Variants in GMDS observed in about 807,000 individuals in gnomAD.
The protein encoded by GMDS is GDP-mannose 4,6-dehydratase.
A neutral mutation model predicts 49.9 loss-of-function variants in GMDS; 20 were observed. The ratio of observed to expected loss-of-function variants is 0.40; its 90% CI spans 0.28 to 0.58. The LOEUF (loss-of-function observed/expected upper bound fraction) is 0.58. Ranked by LOEUF, GMDS falls within the 20% of genes least tolerant of loss-of-function variation. GMDS has a pLI of 0.42. For missense variants in GMDS, 362 were observed against 481.4 expected, an observed-to-expected ratio of 0.75 and a Z score of 2.32; for synonymous variants, 177 against 178.6, an observed-to-expected ratio of 0.99 and a Z score of 0.07.
chr6:2,059,945 T>C (rs1393568377), intron 4 of GMDS, among the ~76,000 whole-genome samples: 5 of 152,082 alleles, frequency 3.3e-5, no homozygotes, highest in African/African-American at 1.2e-4. Context: ...TTTGAATTTC[T>C]TTACATTTAT....
intron 4 of GMDS, among the ~76,000 whole-genome samples, chr6:2,034,690 T>C (rs1769183150): frequency 6.6e-6 from 1 of 152,208 alleles, no homozygotes. Context: ...CCAGAGAGTG[T>C]CCAAGACACT....
At chr6:2,159,745 G>T (rs1777297329) in intron 1 of GMDS, among the ~76,000 whole-genome samples, 1 of 151,820 alleles carries the variant, frequency 6.6e-6, no homozygotes, top group African/African-American at 2.4e-5. Context: ...TTTCGAACCT[G>T]ACCTCAGGTG....
At chr6:1,824,737 G>A (rs939873967) in intron 7 of GMDS, among the ~76,000 whole-genome samples, 6 of 152,200 alleles carry the variant, frequency 3.9e-5, no homozygotes, top group Non-Finnish European at 7.3e-5. Flanking sequence ...CAGTTAGGAT[G>A]TGAGGATTAA....
intron 9 of GMDS, among the ~76,000 whole-genome samples, chr6:1,666,932 CT>C (rs1764256462): frequency 6.6e-6 from 1 of 152,238 alleles, no homozygotes; most frequent in African/African-American, 2.4e-5. Context: ...GGAGCACCCT[CT>C]GGGGGAAGGG....
intron 4 of GMDS, among the ~76,000 whole-genome samples, chr6:2,056,972 T>C (rs1306001435): frequency 6.6e-6 from 1 of 152,236 alleles, no homozygotes; most frequent in African/African-American, 2.4e-5. Context: ...CATTTCTGTA[T>C]AAATACAGCA....
At chr6:1,765,490 A>T (rs1768315357) in intron 7 of GMDS, among the ~76,000 whole-genome samples, 1 of 152,184 alleles carries the variant, frequency 6.6e-6, no homozygotes, top group Non-Finnish European at 1.5e-5. Context: ...AGCCCCCACA[A>T]AAATATTCAT....
intron 7 of GMDS, among the ~76,000 whole-genome samples, chr6:1,749,413 C>A (rs1767636920): frequency 6.6e-6 from 1 of 151,830 alleles, no homozygotes; most frequent in Non-Finnish European, 1.5e-5. Context: ...CATGGCAAAA[C>A]CCCGTCTCTA....
chr6:2,118,256 G>T (rs948691084), intron 2 of GMDS, among the ~76,000 whole-genome samples: 1 of 152,156 alleles, frequency 6.6e-6, no homozygotes, highest in Non-Finnish European at 1.5e-5. Context: ...TTGAAGAAAA[G>T]ACTATTTGTG....
rs542500453 is a variant in GMDS, at chr6:1,805,962, T to C, written c.772-63376A>G. Among the ~76,000 whole-genome samples the C allele has an allele frequency of 1.6e-4, 25 of 152,286 alleles. No homozygotes were observed. In the East Asian group the frequency reaches 3.9e-3, roughly 23 times the overall value. On this transcript the variant is annotated intron_variant, in intron 7 of 10. Coordinates refer to ENST00000380815, the MANE Select transcript of GMDS (RefSeq NM_001500.4). ...CAATTTATATGAAAATGTAGATATA[T>C]GTAATTGTGGTAAGTATATAAAAAT...
intron 1 of GMDS, among the ~76,000 whole-genome samples, chr6:2,218,029 G>A (rs1036069693): frequency 6.6e-6 from 1 of 152,160 alleles, no homozygotes; most frequent in South Asian, 2.1e-4. Flanking sequence ...GCTGACAAGT[G>A]GTTTGTCAAG....
intron 1 of GMDS, among the ~76,000 whole-genome samples, chr6:2,209,225 C>G (rs1428049968): frequency 2.0e-5 from 3 of 152,172 alleles, no homozygotes; most frequent in Admixed American, 6.5e-5. Context: ...CCAAAATACA[C>G]TTGGTTGAAA....
chr6:1,913,205 C>A (rs1345540771), intron 7 of GMDS, among the ~76,000 whole-genome samples: 1 of 151,420 alleles, frequency 6.6e-6, no homozygotes, highest in South Asian at 2.1e-4. Context: ...AACGGTGAAA[C>A]CCCGTCTCTA....
chr6:1,991,798 C>A (rs532811672), intron 4 of GMDS, among the ~76,000 whole-genome samples: 1 of 152,114 alleles, frequency 6.6e-6, no homozygotes, highest in Non-Finnish European at 1.5e-5. Flanking sequence ...GAGTACCTGC[C>A]GATGTAATTT....
chr6:1,929,244 A>C (rs1358343384), intron 7 of GMDS, among the ~76,000 whole-genome samples: 1 of 152,206 alleles, frequency 6.6e-6, no homozygotes, highest in Non-Finnish European at 1.5e-5. Flanking sequence ...AGTTTCCTAG[A>C]GAGACATCAT....
intron 9 of GMDS, among the ~76,000 whole-genome samples, chr6:1,642,807 C>G (rs888464519): frequency 6.6e-6 from 1 of 152,196 alleles, no homozygotes; most frequent in African/African-American, 2.4e-5. Context: ...GTCTGTCTCT[C>G]CAAGTCCAAC....
At chr6:2,003,006 A>G (rs1018582170) in intron 4 of GMDS, among the ~76,000 whole-genome samples, 3 of 152,162 alleles carry the variant, frequency 2.0e-5, no homozygotes, top group South Asian at 2.1e-4. Flanking sequence ...TACATTTAAC[A>G]TGAAGAATCC....
At chr6:2,240,011 AC>A (rs1374161630) in intron 1 of GMDS, among the ~76,000 whole-genome samples, 1 of 152,096 alleles carries the variant, frequency 6.6e-6, no homozygotes. Flanking sequence ...ATAATGCCAA[AC>A]CTTTTATCCC....
chr6:1,899,444 T>C (rs1000544306), intron 7 of GMDS, among the ~76,000 whole-genome samples: 1 of 152,174 alleles, frequency 6.6e-6, no homozygotes, highest in African/African-American at 2.4e-5. Flanking sequence ...CAATGCTTGA[T>C]ATGGCAAAGT....
chr6:2,115,686 T>C, intron 4 of GMDS, 85 bp downstream of exon 4: 2 of 769,400 alleles, frequency 2.6e-6, no homozygotes, highest in Non-Finnish European at 4.8e-6. Flanking sequence ...AGTGATTATA[T>C]TACTACACTG....
Sources: allele counts gnomAD v4.1 joint callset (sites outside exome capture counted in the v4.1 genomes callset), GRCh38; gene constraint gnomAD v4.1.1; transcripts MANE v1.5; gene names NCBI Gene and HGNC (gene_info 2026-07-23, HGNC 2026-07-21).